KALRN: variants seen among roughly 807,000 people sequenced by gnomAD.
The protein encoded by KALRN is kalirin RhoGEF kinase.
In KALRN, 70 loss-of-function variants were observed where a neutral mutation model predicts 353.7. The ratio of observed to expected loss-of-function variants is 0.20; its 90% confidence interval spans 0.16 to 0.24. KALRN has a LOEUF of 0.24. Among genes scored for constraint, KALRN ranks in the 10% least tolerant of loss-of-function variants. KALRN has a pLI of 1.00. For synonymous variants in KALRN, 1,391 were observed against 1,434.8 expected, an observed-to-expected ratio of 0.97 and a Z score of 0.69; for missense variants, 2,791 against 3,756.7, an observed-to-expected ratio of 0.74 and a Z score of 6.72.
chr3:124,047,966 C>T (rs919589836), intron 1 of KALRN, among the ~76,000 whole-genome samples: 9 of 152,240 alleles, frequency 5.9e-5, no homozygotes, highest in South Asian at 2.1e-4. Context: ...ATTTCCTTCT[C>T]GTCCTTTTTC....
intron 5 of KALRN, among the ~76,000 whole-genome samples, chr3:124,294,414 T>C (rs954269465): frequency 5.9e-5 from 9 of 152,158 alleles, no homozygotes; most frequent in Non-Finnish European, 1.2e-4. Context: ...TGATAGCACC[T>C]TGTGGGATTG....
intron 47 of KALRN, among the ~76,000 whole-genome samples, chr3:124,669,546 A>G (rs1434664553): frequency 2.0e-5 from 3 of 152,232 alleles, no homozygotes; most frequent in Non-Finnish European, 2.9e-5. Context: ...GATTCATAAA[A>G]TCAGTTTGAT....
Position 124,298,727 on chromosome 3 carries a change from G to A in KALRN, c.970-64G>A. On this transcript the variant is annotated intron_variant, in intron 5 of 59. Coordinates refer to ENST00000682506, the MANE Select transcript of KALRN (RefSeq NM_001388419.1). Reference sequence around the variant, plus strand: ...AGCTTTTTCCCCTTCCACTAGCTCTGAAAGTTTTGCCCTATTCGACCCATG... The same window carrying A: ...AGCTTTTTCCCCTTCCACTAGCTCTAAAAGTTTTGCCCTATTCGACCCATG... 1.2e-5 allele frequency: 19 copies of A among 1,594,426 alleles called. No homozygotes were observed. In the South Asian group the frequency reaches 2.1e-4, roughly 18 times the overall value.
rs183012086 is a variant in KALRN, at chr3:124,511,382, T to C, written c.4935+14969T>C. Among the ~76,000 whole-genome samples, 505 of 152,328 alleles carry C rather than the reference T, an allele frequency of 3.3e-3. 2 individuals carry two copies. The highest frequency in any genetic ancestry group is 3.3e-3 in the Non-Finnish European group (226 of 68,034). On this transcript the variant is annotated intron_variant, in intron 33 of 59. Transcript: ENST00000682506. The stretch of plus-strand genomic sequence containing the variant: ...ACTAAACTCATCATATACCACATCC[T>C]TGATCTACTCTTTTCTCAGATTCCA...
intron 6 of KALRN, among the ~76,000 whole-genome samples, chr3:124,320,567 G>T (rs2079222853): frequency 6.6e-6 from 1 of 152,190 alleles, no homozygotes; most frequent in African/African-American, 2.4e-5. Flanking sequence ...TAAGGAGAAG[G>T]ATCTGTTTCC....
At chr3:124,374,443 T>C (rs78981333) in intron 10 of KALRN, 17,723 of 152,214 alleles carry the variant, frequency 0.12, 1,268 homozygotes, top group Non-Finnish European at 0.16. Flanking sequence ...TACAGATGTA[T>C]ATAGGCATAA....
Position 124,697,740 on chromosome 3 carries a change from C to A in KALRN, c.7831+16C>A. ...AGAGAGGAAGGTGCACTATCTCCTG[C>A]TCTTCTTTTTCTTTTCTCTTCTTTT... On this transcript the variant is annotated intron_variant, in intron 55 of 59. Coordinates refer to ENST00000682506, the MANE Select transcript of KALRN (RefSeq NM_001388419.1). The A allele has an allele frequency of 6.6e-7, 1 of 1,509,436 alleles. No homozygotes were observed. The highest frequency in any genetic ancestry group is 8.9e-7 in the Non-Finnish European group (1 of 1,128,428). 93.5% of individuals were successfully genotyped at this position (1,509,436 alleles called of 1,614,324 possible).
chr3:124,300,116 CT>C (rs1331401521), intron 6 of KALRN, among the ~76,000 whole-genome samples: 1 of 152,136 alleles, frequency 6.6e-6, no homozygotes, highest in Non-Finnish European at 1.5e-5. Context: ...CTACCAGGCT[CT>C]TTTAAATATG....
At chr3:124,532,352 C>A (rs532153214) in intron 33 of KALRN, among the ~76,000 whole-genome samples, 1 of 152,214 alleles carries the variant, frequency 6.6e-6, no homozygotes, top group Non-Finnish European at 1.5e-5. Flanking sequence ...CCAATGTAAA[C>A]CACATTCAGA....
intron 34 of KALRN, among the ~76,000 whole-genome samples, chr3:124,581,335 G>A (rs1174297168): frequency 6.6e-6 from 1 of 151,414 alleles, no homozygotes; most frequent in Non-Finnish European, 1.5e-5. Context: ...AGAGGTTGCA[G>A]TGAGCCGAGA....
chr3:124,573,112 C>T (rs1015045925), intron 34 of KALRN, among the ~76,000 whole-genome samples: 1 of 152,094 alleles, frequency 6.6e-6, no homozygotes, highest in African/African-American at 2.4e-5. Flanking sequence ...GGGTAAGACA[C>T]TTAAAATCTA....
chr3:124,564,183 C>T (rs900419024), intron 34 of KALRN, among the ~76,000 whole-genome samples: 2 of 119,810 alleles, frequency 1.7e-5, no homozygotes, highest in South Asian at 2.7e-4. Flanking sequence ...CCAGCCTGGG[C>T]GACAGAGCGA....
At chr3:124,038,446 G>A (rs530439875) in intron 1 of KALRN, among the ~76,000 whole-genome samples, 4 of 152,144 alleles carry the variant, frequency 2.6e-5, no homozygotes, top group Non-Finnish European at 4.4e-5. Context: ...CAGCAGGTTT[G>A]GAGGTGGCAG....
chr3:124,722,707 T>A lies in KALRN; in HGVS notation c.*3237T>A, dbSNP rs1053345720. The A allele has an allele frequency of 2.6e-5, 4 of 152,328 alleles. No homozygotes were observed. The highest frequency in any genetic ancestry group is 9.6e-5 in the African/African-American group (4 of 41,578). 9.4% of individuals were successfully genotyped at this position (152,328 alleles called of 1,614,324 possible). On this transcript the variant is annotated 3_prime_UTR_variant, in exon 60 of 60. Transcript: ENST00000682506. ...TTCCTGTTTTGGCGGAGAGATTTATTACTTGGTAGTAAAGAAGAGAGGAGA... is the reference window on the plus strand; with the variant it reads ...TTCCTGTTTTGGCGGAGAGATTTATAACTTGGTAGTAAAGAAGAGAGGAGA...
At chr3:124,034,084 C>T (rs959893231) in intron 1 of KALRN, among the ~76,000 whole-genome samples, 2 of 152,130 alleles carry the variant, frequency 1.3e-5, no homozygotes, top group Middle Eastern at 3.4e-3. Flanking sequence ...GCGGTCCCCT[C>T]GGACCGCCTT....
intron 1 of KALRN, among the ~76,000 whole-genome samples, chr3:124,054,353 T>A (rs1378867192): frequency 1.2e-4 from 1 of 8,130 alleles, no homozygotes; most frequent in Non-Finnish European, 1.1e-3. Context: ...CAAGACCCCA[T>A]CACTTAAAAA....
intron 33 of KALRN, among the ~76,000 whole-genome samples, chr3:124,513,551 C>A (rs2066190096): frequency 6.6e-6 from 1 of 152,188 alleles, no homozygotes; most frequent in Non-Finnish European, 1.5e-5. Context: ...TCCCTCCTCT[C>A]CCACAGTCTA....
intron 37 of KALRN, among the ~76,000 whole-genome samples, chr3:124,643,681 G>A (rs184408188): frequency 2.0e-5 from 3 of 152,106 alleles, no homozygotes; most frequent in Admixed American, 6.5e-5. Flanking sequence ...GCAGAGATGA[G>A]GTCTCGCTTT....
intron 1 of KALRN, among the ~76,000 whole-genome samples, chr3:124,113,933 G>A (rs545486289): frequency 1.3e-5 from 2 of 152,318 alleles, no homozygotes; most frequent in South Asian, 4.1e-4. Flanking sequence ...AAGGATCCAA[G>A]GGCCATGGTG....
Sources: gnomAD v4.1 joint callset for allele counts (sites outside exome capture counted in the v4.1 genomes callset) on GRCh38, gnomAD v4.1.1 for gene constraint, MANE v1.5 for transcripts, NCBI Gene and HGNC (gene_info 2026-07-23, HGNC 2026-07-21) for gene names.